SLC4A10: variants seen among roughly 807,000 people sequenced by gnomAD.
SLC4A10 encodes the protein solute carrier family 4 member 10.
In SLC4A10, 42 loss-of-function variants were observed where a neutral mutation model predicts 137.7. The observed-to-expected ratio is 0.30, with a 90% CI of 0.24 to 0.39. The LOEUF (loss-of-function observed/expected upper bound fraction) is 0.39, where lower values mean the gene tolerates loss of function less well. Among genes scored for constraint, SLC4A10 ranks in the 10% least tolerant of loss-of-function variants. The probability of loss-of-function intolerance (pLI) is 1.00; values close to 1 mark genes in which losing one functional copy is unlikely to be tolerated. For synonymous variants in SLC4A10, 474 were observed against 464.1 expected (o/e 1.02, Z -0.27); for missense variants, 925 against 1,355.0 (o/e 0.68, Z 4.98).
At chr2:161,723,132 G>A (rs564771952) in intron 1 of SLC4A10, among the ~76,000 whole-genome samples, 1 of 152,306 alleles carries the variant, frequency 6.6e-6, no homozygotes, top group African/African-American at 2.4e-5. Context: ...ACCTGAGCCT[G>A]CCGAGAGTCC....
At chr2:161,962,971 A>G (rs545255281) in intron 21 of SLC4A10, among the ~76,000 whole-genome samples, 1 of 152,290 alleles carries the variant, frequency 6.6e-6, no homozygotes, top group East Asian at 1.9e-4. Flanking sequence ...TTACTTTTTG[A>G]AAATGCATAA....
intron 1 of SLC4A10, among the ~76,000 whole-genome samples, chr2:161,755,953 T>C (rs2049587521): frequency 1.3e-5 from 2 of 151,960 alleles, no homozygotes; most frequent in African/African-American, 4.8e-5. Context: ...GTATCTTTAG[T>C]AAAGACGGGG....
At chr2:161,978,654 G>A (rs1175396675) in intron 26 of SLC4A10, among the ~76,000 whole-genome samples, 1 of 152,108 alleles carries the variant, frequency 6.6e-6, no homozygotes, top group South Asian at 2.1e-4. Flanking sequence ...GAGACAAACA[G>A]CAAGTGCATA....
At chr2:161,903,898 C>G (rs937442445) in intron 12 of SLC4A10, 106 bp from the exon 13 acceptor site, 9 of 1,152,638 alleles carry the variant, frequency 7.8e-6, no homozygotes, top group African/African-American at 3.1e-5. Context: ...CTCACCTCTG[C>G]TGATGGAAAA....
At chr2:161,793,411 TA>T (rs2054419440) in intron 2 of SLC4A10, among the ~76,000 whole-genome samples, 1 of 152,084 alleles carries the variant, frequency 6.6e-6, no homozygotes, top group South Asian at 2.1e-4. Context: ...ACTAGAATTT[TA>T]TATCCTTTGA....
intron 15 of SLC4A10, among the ~76,000 whole-genome samples, chr2:161,916,890 T>C (rs1687217511): frequency 6.6e-6 from 1 of 152,214 alleles, no homozygotes; most frequent in African/African-American, 2.4e-5. Context: ...ACTTATCTTT[T>C]TAAAGTAAAA....
chr2:161,773,309 C>A (rs2051889454), intron 2 of SLC4A10, among the ~76,000 whole-genome samples: 1 of 151,746 alleles, frequency 6.6e-6, no homozygotes, highest in African/African-American at 2.4e-5. Context: ...TAAATACTTC[C>A]CATTGGGCCC....
chr2:161,964,158 C>G lies in SLC4A10; in HGVS notation c.2886C>G (p.Phe962Leu). The change falls in exon 22 of 27, where the codon TTC (phenylalanine) becomes TTG (leucine). Residue 962 changes from phenylalanine (F) to leucine (L), a missense_variant. This residue lies in a region of SLC4A10 where 115 missense variants were observed against 237.5 expected (regional missense o/e 0.48). Coordinates refer to ENST00000446997, the MANE Select transcript of SLC4A10 (RefSeq NM_001178015.2). ...GIQFFDRIKL[F>L]WMPAKHQPDF... ...AGTTCTTTGATAGGATAAAGCTCTTCTGGATGCCGGCAAAACATCAACCAG... is the reference window on the plus strand; with the variant it reads ...AGTTCTTTGATAGGATAAAGCTCTTGTGGATGCCGGCAAAACATCAACCAG... 1 of 1,610,802 alleles carries G rather than the reference C, an allele frequency of 6.2e-7. No individual in the cohort carries two copies. Among genetic ancestry groups the G allele is most frequent in the Non-Finnish European group, 8.5e-7 (1 of 1,178,198 alleles).
intron 1 of SLC4A10, among the ~76,000 whole-genome samples, chr2:161,678,163 A>G (rs1380499158): frequency 6.6e-6 from 1 of 152,182 alleles, no homozygotes; most frequent in Admixed American, 6.6e-5. Flanking sequence ...CCGAGGACTC[A>G]TATCTGTCCT....
chr2:161,967,249 G>A (rs1217826107), intron 23 of SLC4A10, among the ~76,000 whole-genome samples: 1 of 152,150 alleles, frequency 6.6e-6, no homozygotes, highest in Admixed American at 6.5e-5. Context: ...GGCTCAGTGT[G>A]AGTGAATGTG....
chr2:161,805,701 A>G (rs973962789), intron 3 of SLC4A10, among the ~76,000 whole-genome samples: 2 of 152,114 alleles, frequency 1.3e-5, no homozygotes, highest in African/African-American at 4.8e-5. Flanking sequence ...GATGGTTCTC[A>G]TGGTCTTGGG....
At position 161,804,455 on chromosome 2, in the gene SLC4A10, G is replaced by A. The variant is rs780653423; in HGVS notation, c.137G>A (p.Arg46Gln). The A allele has an allele frequency of 6.2e-6, 10 of 1,610,226 alleles. No homozygotes were observed. The highest frequency in any genetic ancestry group is 1.7e-5 in the Admixed American group (1 of 59,690). Residue 46 changes from arginine (R) to glutamine (Q), a missense_variant, in exon 3 of 27, where the codon CGA becomes CAA. By Grantham distance (43) the Arg-to-Gln change is conservative. This residue lies in a region of SLC4A10 where 138 missense variants were observed against 171.3 expected (regional missense o/e 0.81). Transcript: ENST00000446997. ...GGTTTGCTTCCTTATGAAGGTCATCGAACACTATTTATTGGAGTACATGTG... is the reference window on the plus strand; with the variant it reads ...GGTTTGCTTCCTTATGAAGGTCATCAAACACTATTTATTGGAGTACATGTG... The part of the protein sequence containing the change: ...HFEKEDLEGH[R>Q]TLFIGVHVPL...
chr2:161,902,700 A>G (rs886309564), intron 12 of SLC4A10, among the ~76,000 whole-genome samples: 3 of 152,180 alleles, frequency 2.0e-5, no homozygotes, highest in Non-Finnish European at 4.4e-5. Flanking sequence ...TAGAAGAGTT[A>G]TTAATAGGTA....
intron 1 of SLC4A10, among the ~76,000 whole-genome samples, chr2:161,768,792 G>A (rs2051208622): frequency 1.3e-5 from 2 of 151,880 alleles, no homozygotes; most frequent in African/African-American, 4.8e-5. Context: ...GTGATTATGT[G>A]CTGTCTTTTG....
chr2:161,643,953 G>A (rs2035652098), intron 1 of SLC4A10, among the ~76,000 whole-genome samples: 1 of 152,078 alleles, frequency 6.6e-6, no homozygotes, highest in African/African-American at 2.4e-5. Context: ...GATTTAGGAT[G>A]GTATAATTCA....
chr2:161,983,441 C>CA lies in SLC4A10; in HGVS notation c.*291dup, dbSNP rs1559689792. On this transcript the variant is annotated 3_prime_UTR_variant, in exon 27 of 27. Coordinates refer to ENST00000446997, the MANE Select transcript of SLC4A10 (RefSeq NM_001178015.2). ...CATCCCTGTGAGCAGATACAATAGC[C>CA]AATGCAAGAATCTGTGTGTTCCTTG... The CA allele has an allele frequency of 7.2e-6, 4 of 556,116 alleles. No homozygotes were observed. The highest frequency in any genetic ancestry group is 1.3e-5 in the Non-Finnish European group (4 of 317,602). 34.4% of individuals were successfully genotyped at this position (556,116 alleles called of 1,614,324 possible). A position where few individuals can be genotyped will look rare whatever the true frequency, so the allele number is the denominator to read the frequency against.
intron 8 of SLC4A10, among the ~76,000 whole-genome samples, chr2:161,876,545 T>C (rs1339618396): frequency 2.0e-5 from 3 of 151,902 alleles, no homozygotes; most frequent in African/African-American, 7.3e-5. Flanking sequence ...CCAGGCATGG[T>C]GGCGCACCTG....
chr2:161,694,052 T>G (rs2042255105), intron 1 of SLC4A10, among the ~76,000 whole-genome samples: 1 of 152,056 alleles, frequency 6.6e-6, no homozygotes, highest in African/African-American at 2.4e-5. Context: ...CAACTGACTT[T>G]TCCAGATTAC....
chr2:161,911,664 A>G lies in SLC4A10; in HGVS notation c.1997+5777A>G, dbSNP rs142051236. On this transcript the variant is annotated intron_variant, in intron 15 of 26. Transcript: ENST00000446997. Reference sequence around the variant, plus strand: ...TTATTTGTGTACCTTCACTAGATTAATCTTCATAATGGTAAATCATGGCTA... The same window carrying G: ...TTATTTGTGTACCTTCACTAGATTAGTCTTCATAATGGTAAATCATGGCTA... Among the ~76,000 whole-genome samples, 66 of 152,234 alleles carry G rather than the reference A, an allele frequency of 4.3e-4. No homozygotes were observed. In the East Asian group the frequency reaches 0.01, roughly 23 times the overall value.
Sources: gnomAD v4.1 joint callset for allele counts (sites outside exome capture counted in the v4.1 genomes callset) on GRCh38, gnomAD v4.1.1 for gene constraint, gnomAD v4.1.1 regional missense constraint, MANE v1.5 for transcripts, NCBI Gene and HGNC (gene_info 2026-07-23, HGNC 2026-07-21) for gene names.